Variants in SLITRK1 observed in about 807,000 individuals in gnomAD.
SLITRK1 encodes the protein SLIT and NTRK-like protein 1.
In SLITRK1, 10 loss-of-function variants were observed where a neutral mutation model predicts 42.4. The observed-to-expected ratio is 0.24, with a 90% CI of 0.15 to 0.40. The LOEUF (loss-of-function observed/expected upper bound fraction) is 0.40, where lower values mean the gene tolerates loss of function less well. Among genes scored for constraint, SLITRK1 ranks in the 10% least tolerant of loss-of-function variants. The probability of loss-of-function intolerance (pLI) is 1.00; values close to 1 mark genes in which losing one functional copy is unlikely to be tolerated. For synonymous variants in SLITRK1, 389 were observed against 365.7 expected (o/e 1.06, Z -0.73); for missense variants, 778 against 848.8 (o/e 0.92, Z 1.04).
rs745781514 is a variant in SLITRK1 at position 83,880,785 on chromosome 13, G to A, written c.723C>T (p.Cys241=). 7.4e-6 allele frequency: 12 copies of A among 1,614,020 alleles called. No individual in the cohort carries two copies. The highest frequency in any genetic ancestry group is 1.0e-5 in the Non-Finnish European group (12 of 1,180,034). ...TACCCTGCAGTCTGGTGGGGGCTTCGCAGACCACTCGGCCGATCAGGGCAT... is the reference window on the plus strand; with the variant it reads ...TACCCTGCAGTCTGGTGGGGGCTTCACAGACCACTCGGCCGATCAGGGCAT... ...PKNALIGRVV[C]EAPTRLQGKD... Residue 241 remains cysteine (C), a synonymous_variant, in exon 2 of 2, where the codon TGC becomes TGT. Coordinates refer to ENST00000674365, the MANE Select transcript of SLITRK1 (RefSeq NM_001281503.2).
Position 83,879,252 on chromosome 13 carries a change from G to C in SLITRK1, c.*165C>G. On this transcript the variant is annotated 3_prime_UTR_variant, in exon 2 of 2. Transcript: ENST00000674365. The stretch of plus-strand genomic sequence containing the variant: ...GTTTCAAGGAGGGAGCTAAGTAAGG[G>C]GTCAGGCCCTTTCGGTTGTGCGAGC... 1.3e-6 allele frequency: 1 copy of C among 799,806 alleles called. No individual in the cohort carries two copies. The highest frequency in any genetic ancestry group is 2.7e-5 in the East Asian group (1 of 37,254). The allele number at this position is 799,806 out of a possible 1,614,324, so 49.5% of individuals were successfully genotyped here.
chr13:83,881,121 C>T lies in SLITRK1; in HGVS notation c.387G>A (p.Leu129=), dbSNP rs1405853874. The change falls in exon 2 of 2, where the codon CTG becomes CTA. Residue 129 remains leucine (L), a synonymous_variant. Coordinates refer to ENST00000674365, the MANE Select transcript of SLITRK1 (RefSeq NM_001281503.2). ...KSFRKQTFLG[L]DDLEYLQADF... Reference sequence around the variant, plus strand: ...CAGCCTGGAGATATTCCAGATCGTCCAGCCCCAGAAAAGTCTGCTTTCGAA... The same window carrying T: ...CAGCCTGGAGATATTCCAGATCGTCTAGCCCCAGAAAAGTCTGCTTTCGAA... 6.2e-7 allele frequency: 1 copy of T among 1,614,090 alleles called. No homozygotes were observed. The highest frequency in any genetic ancestry group is 1.7e-5 in the Admixed American group (1 of 60,012).
At position 83,879,066 on chromosome 13, in the gene SLITRK1, A is replaced by G; in HGVS notation, c.*351T>C. On this transcript the variant is annotated 3_prime_UTR_variant, in exon 2 of 2. Coordinates refer to ENST00000674365, the MANE Select transcript of SLITRK1 (RefSeq NM_001281503.2). ...TCTATATAGATGTGGATATATGTAT[A>G]TATGTATAGAACCGCGGCATCCAAC... is the stretch of plus-strand genomic sequence containing the variant. 1 of 354,360 alleles carries G rather than the reference A, an allele frequency of 2.8e-6. No individual in the cohort carries two copies. Among genetic ancestry groups the G allele is most frequent in the Non-Finnish European group, 5.5e-6 (1 of 182,594 alleles). The allele number at this position is 354,360 out of a possible 1,614,324, so 22.0% of individuals were successfully genotyped here. A position where few individuals can be genotyped will look rare whatever the true frequency, so the allele number is the denominator to read the frequency against.
rs1236053974 is a variant in SLITRK1, at chr13:83,878,100, C to T, written c.*1317G>A. On this transcript the variant is annotated 3_prime_UTR_variant, in exon 2 of 2. Transcript: ENST00000674365. The stretch of plus-strand genomic sequence containing the variant: ...GAGGAGCTACTTAAAGGGTAAAAAG[C>T]TAAGTAAGGCGATTAGAGAAAGAGC... The T allele has an allele frequency of 1.3e-5, 2 of 152,040 alleles. No individual in the cohort carries two copies. Among genetic ancestry groups the T allele is most frequent in the Admixed American group, 1.3e-4 (2 of 15,248 alleles). 9.4% of individuals were successfully genotyped at this position (152,040 alleles called of 1,614,324 possible). A position where few individuals can be genotyped will look rare whatever the true frequency, so the allele number is the denominator to read the frequency against.
Position 83,880,706 on chromosome 13 carries a change from C to A in SLITRK1, c.802G>T (p.Asp268Tyr). Residue 268 changes from aspartate to tyrosine, a missense_variant, in exon 2 of 2, where the codon GAT (aspartate) becomes TAT (tyrosine). Physicochemically the swap from Asp to Tyr is radical, Grantham distance 160. This residue lies in a region of SLITRK1 where 395 missense variants were observed against 360.4 expected (regional missense o/e 1.10). Transcript: ENST00000674365. ...GCAGGGGGCGCCGGGAGACTAGAAT[C>A]CACTCGGTTTTTCAAAGGACACAAG... ...QDLCPLKNRV[D>Y]SSLPAPPAQE... 6.2e-7 allele frequency: 1 copy of A among 1,614,110 alleles called. No individual in the cohort carries two copies. The highest frequency in any genetic ancestry group is 8.5e-7 in the Non-Finnish European group (1 of 1,180,030).
rs1344315284 is a variant in SLITRK1, at chr13:83,877,646, G to T, written c.*1771C>A. ...TAGGATAATGATTAATTTCCATAAA[G>T]ATGAGTGCTTTAACAAATTTCAATA... On this transcript the variant is annotated 3_prime_UTR_variant, in exon 2 of 2. Coordinates refer to ENST00000674365, the MANE Select transcript of SLITRK1 (RefSeq NM_001281503.2). 1 of 132,404 alleles carries T rather than the reference G, an allele frequency of 7.6e-6. No individual in the cohort carries two copies. The highest frequency in any genetic ancestry group is 2.8e-5 in the African/African-American group (1 of 36,288). 8.2% of individuals were successfully genotyped at this position (132,404 alleles called of 1,614,324 possible). A position where few individuals can be genotyped will look rare whatever the true frequency, so the allele number is the denominator to read the frequency against.
chr13:83,881,082 T>G lies in SLITRK1; in HGVS notation c.426A>C (p.Leu142Phe). Residue 142 changes from leucine (L) to phenylalanine (F), a missense_variant, in exon 2 of 2, where the codon TTA becomes TTC. By Grantham distance (22) the Leu-to-Phe change is conservative (BLOSUM62 0). Transcript: ENST00000674365. ...GGAAGGCCCCCGGGTCTATATCTCG[T>G]AATAAATTAAAATCAGCCTGGAGAT... is the stretch of plus-strand genomic sequence containing the variant. ...LEYLQADFNL[L>F]RDIDPGAFQD... 1 of 1,614,006 alleles carries G rather than the reference T, an allele frequency of 6.2e-7. No individual in the cohort carries two copies. The highest frequency in any genetic ancestry group is 8.5e-7 in the Non-Finnish European group (1 of 1,180,010).
At position 83,879,914 on chromosome 13, in the gene SLITRK1, C is replaced by G. The variant is rs770332350; in HGVS notation, c.1594G>C (p.Glu532Gln). The G allele has an allele frequency of 6.2e-7, 1 of 1,614,068 alleles. No individual in the cohort carries two copies. ...AAAGGCACAATTGTGCAGGAGCACT[C>G]CCAGGGGTTTCCGTGGAGGTCTATC... ...IQIDLHGNPW[E>Q]CSCTIVPFKQ... is the part of the protein sequence containing the mutation. The change falls in exon 2 of 2, where the codon GAG (glutamate) becomes CAG (glutamine). Residue 532 changes from glutamate (E) to glutamine (Q), a missense_variant. Coordinates refer to ENST00000674365, the MANE Select transcript of SLITRK1 (RefSeq NM_001281503.2).
Position 83,879,115 on chromosome 13 carries a change from C to G in SLITRK1, c.*302G>C. The G allele has an allele frequency of 2.3e-6, 1 of 431,642 alleles. No homozygotes were observed. The highest frequency in any genetic ancestry group is 4.3e-6 in the Non-Finnish European group (1 of 231,224). The allele number at this position is 431,642 out of a possible 1,614,324, so 26.7% of individuals were successfully genotyped here. On this transcript the variant is annotated 3_prime_UTR_variant, in exon 2 of 2. Coordinates refer to ENST00000674365, the MANE Select transcript of SLITRK1 (RefSeq NM_001281503.2). Reference sequence around the variant, plus strand: ...ACCCCACAGGCCCCGGGGCCGAGGGCGAGGGCACTGTCAGTTCTTCCAGCA... The same window carrying G: ...ACCCCACAGGCCCCGGGGCCGAGGGGGAGGGCACTGTCAGTTCTTCCAGCA...
chr13:83,881,114 G>C lies in SLITRK1; in HGVS notation c.394C>G (p.Leu132Val). The C allele has an allele frequency of 6.2e-7, 1 of 1,614,100 alleles. No individual in the cohort carries two copies. The highest frequency in any genetic ancestry group is 8.5e-7 in the Non-Finnish European group (1 of 1,180,036). ...TTAAAATCAGCCTGGAGATATTCCA[G>C]ATCGTCCAGCCCCAGAAAAGTCTGC... ...RKQTFLGLDD[L>V]EYLQADFNLL... Residue 132 changes from leucine to valine, a missense_variant, in exon 2 of 2, where the codon CTG becomes GTG. Transcript: ENST00000674365.
chr13:83,879,391 T>C lies in SLITRK1; in HGVS notation c.*26A>G. The C allele has an allele frequency of 6.2e-7, 1 of 1,611,036 alleles. No individual in the cohort carries two copies. Among genetic ancestry groups the C allele is most frequent in the Non-Finnish European group, 8.5e-7 (1 of 1,179,940 alleles). On this transcript the variant is annotated 3_prime_UTR_variant, in exon 2 of 2. Transcript: ENST00000674365. Reference sequence around the variant, plus strand: ...GGGGAAGGATGTATCGCCTTCCCTCTGCCCTCCCCTATTGGGGTTGGGGTC... The same window carrying C: ...GGGGAAGGATGTATCGCCTTCCCTCCGCCCTCCCCTATTGGGGTTGGGGTC...
At position 83,881,064 on chromosome 13, in the gene SLITRK1, C is replaced by G. The variant is rs1223879612; in HGVS notation, c.444G>C (p.Gly148=). The change falls in exon 2 of 2, where the codon GGG becomes GGC. Residue 148 remains glycine (G), a synonymous_variant. Coordinates refer to ENST00000674365, the MANE Select transcript of SLITRK1 (RefSeq NM_001281503.2). ...DFNLLRDIDP[G]AFQDLNKLEV... ...CCAGCTTGTTCAAGTCCTGGAAGGC[C>G]CCCGGGTCTATATCTCGTAATAAAT... is the stretch of plus-strand genomic sequence containing the variant. 1 of 1,613,940 alleles carries G rather than the reference C, an allele frequency of 6.2e-7. No individual in the cohort carries two copies. Among genetic ancestry groups the G allele is most frequent in the East Asian group, 2.2e-5 (1 of 44,848 alleles).
Position 83,882,207 on chromosome 13 carries a change from G to C in SLITRK1, c.-257C>G, listed in dbSNP as rs556462221. Reference sequence around the variant, plus strand: ...ATTTCCGCAATCGCTGCGTTTTGTGGTTGTCCATCCTTTTCCTTTCCTCCC... The same window carrying C: ...ATTTCCGCAATCGCTGCGTTTTGTGCTTGTCCATCCTTTTCCTTTCCTCCC... On this transcript the variant is annotated 5_prime_UTR_variant, in exon 1 of 2. Coordinates refer to ENST00000674365, the MANE Select transcript of SLITRK1 (RefSeq NM_001281503.2). The C allele has an allele frequency of 6.0e-6, 1 of 167,174 alleles. No homozygotes were observed. The highest frequency in any genetic ancestry group is 2.1e-4 in the South Asian group (1 of 4,812). 10.4% of individuals were successfully genotyped at this position (167,174 alleles called of 1,614,324 possible).
At position 83,877,832 on chromosome 13, in the gene SLITRK1, A is replaced by C. The variant is rs541857087; in HGVS notation, c.*1585T>G. On this transcript the variant is annotated 3_prime_UTR_variant, in exon 2 of 2. Coordinates refer to ENST00000674365, the MANE Select transcript of SLITRK1 (RefSeq NM_001281503.2). Reference sequence around the variant, plus strand: ...TGAAATCTCCACTCTGTTTAATGAGACCTATCTAGGCAGAGTCAATTAAAT... The same window carrying C: ...TGAAATCTCCACTCTGTTTAATGAGCCCTATCTAGGCAGAGTCAATTAAAT... 3 of 152,448 alleles carry C rather than the reference A, an allele frequency of 2.0e-5. No individual in the cohort carries two copies. The highest frequency in any genetic ancestry group is 4.4e-5 in the Non-Finnish European group (3 of 68,020). 9.4% of individuals were successfully genotyped at this position (152,448 alleles called of 1,614,324 possible).
chr13:83,877,978 G>A lies in SLITRK1; in HGVS notation c.*1439C>T, dbSNP rs1467983581. ...GCTGCATTTGGAGAGGGGAAAAAAA[G>A]AAGGGGTGAGTGTTGGGGCAAGACC... On this transcript the variant is annotated 3_prime_UTR_variant, in exon 2 of 2. Coordinates refer to ENST00000674365, the MANE Select transcript of SLITRK1 (RefSeq NM_001281503.2). The A allele has an allele frequency of 6.8e-6, 1 of 147,272 alleles. No individual in the cohort carries two copies. Among genetic ancestry groups the A allele is most frequent in the Non-Finnish European group, 1.5e-5 (1 of 66,678 alleles). The allele number at this position is 147,272 out of a possible 1,614,324, so 9.1% of individuals were successfully genotyped here.
Position 83,880,543 on chromosome 13 carries a change from G to A in SLITRK1, c.965C>T (p.Thr322Ile). ...GGAGCTACCCGTCGCTATCGCTGCTGTGGGTCTGATTTTGATCTGCCAGTT... is the reference window on the plus strand; with the variant it reads ...GGAGCTACCCGTCGCTATCGCTGCTATGGGTCTGATTTTGATCTGCCAGTT... The part of the protein sequence containing the change: ...PGNWQIKIRP[T>I]AAIATGSSRN... The change falls in exon 2 of 2, where the codon ACA (threonine) becomes ATA (isoleucine). Residue 322 changes from threonine to isoleucine, a missense_variant. Coordinates refer to ENST00000674365, the MANE Select transcript of SLITRK1 (RefSeq NM_001281503.2). The A allele has an allele frequency of 6.2e-7, 1 of 1,614,174 alleles. No individual in the cohort carries two copies. The highest frequency in any genetic ancestry group is 8.5e-7 in the Non-Finnish European group (1 of 1,180,046).
chr13:83,879,606 G>T lies in SLITRK1; in HGVS notation c.1902C>A (p.Thr634=). 6.2e-7 allele frequency: 1 copy of T among 1,614,026 alleles called. No homozygotes were observed. The highest frequency in any genetic ancestry group is 8.5e-7 in the Non-Finnish European group (1 of 1,180,004). The change falls in exon 2 of 2, where the codon ACC becomes ACA. Residue 634 remains threonine (T), a synonymous_variant. Transcript: ENST00000674365. ...GGATAAACACGAGCATGCCCACCACGGTGAAGGCGGAGGTGACAAACACCA... is the reference window on the plus strand; with the variant it reads ...GGATAAACACGAGCATGCCCACCACTGTGAAGGCGGAGGTGACAAACACCA... ...LLLVFVTSAF[T]VVGMLVFILR...
In SLITRK1 at chr13:83,878,525, T is replaced by C. The variant is rs1486890062; in HGVS notation, c.*892A>G. ...CAGATGGAAGGCATTATTGGATATG[T>C]ATTAAAAAAAAGACCCCCTGAAAAA... On this transcript the variant is annotated 3_prime_UTR_variant, in exon 2 of 2. Transcript: ENST00000674365. The C allele has an allele frequency of 6.6e-6, 1 of 152,212 alleles. No homozygotes were observed. The highest frequency in any genetic ancestry group is 1.5e-5 in the Non-Finnish European group (1 of 67,988). 9.4% of individuals were successfully genotyped at this position (152,212 alleles called of 1,614,324 possible).
rs375216898 is a variant in SLITRK1, at chr13:83,880,418, C to T, written c.1090G>A (p.Val364Met). Residue 364 changes from valine (V) to methionine (M), a missense_variant, in exon 2 of 2, where the codon GTG becomes ATG. By Grantham distance (21) the Val-to-Met change is conservative. Transcript: ENST00000674365. ...GLKMNCNNRNVSSLADLKPKL... is the reference protein window; with the variant it reads ...GLKMNCNNRNMSSLADLKPKL... ...GGCTTCAAATCAGCCAAGCTGCTCACGTTCCTGTTGTTGCAGTTCATCTTT... is the reference window on the plus strand; with the variant it reads ...GGCTTCAAATCAGCCAAGCTGCTCATGTTCCTGTTGTTGCAGTTCATCTTT... 49 of 1,613,834 alleles carry T rather than the reference C, an allele frequency of 3.0e-5. No homozygotes were observed. Among genetic ancestry groups the T allele is most frequent in the Non-Finnish European group, 4.0e-5 (47 of 1,180,028 alleles).
Sources: allele counts gnomAD v4.1 joint callset, GRCh38; gene constraint gnomAD v4.1.1; regional missense constraint gnomAD v4.1.1; transcripts MANE v1.5; gene names NCBI Gene and HGNC (gene_info 2026-07-23, HGNC 2026-07-21).